Variants in AUTS2 observed in about 807,000 individuals in gnomAD.
The protein encoded by AUTS2 is activator of transcription and developmental regulator AUTS2, also known as autism susceptibility gene 2 protein.
Under a neutral mutation model 112.4 loss-of-function variants are expected in AUTS2, and 17 were observed. That is an observed-to-expected ratio of 0.15 (90% CI 0.10 to 0.23). The LOEUF is 0.23. AUTS2 is among the 10% of genes least tolerant of loss of function. The pLI is 1.00. For synonymous variants in AUTS2, 751 were observed against 702.7 expected, an observed-to-expected ratio of 1.07 and a Z score of -1.09; for missense variants, 1,510 against 1,701.6, an observed-to-expected ratio of 0.89 and a Z score of 1.98.
At chr7:70,483,217 T>C (rs1224504096) in intron 5 of AUTS2, among the ~76,000 whole-genome samples, 1 of 136,114 alleles carries the variant, frequency 7.3e-6, no homozygotes, top group Non-Finnish European at 1.6e-5. Flanking sequence ...CTCCAGTTTA[T>C]CTCCAAGGGT....
chr7:70,747,498 G>A (rs965553720), intron 6 of AUTS2, among the ~76,000 whole-genome samples: 36 of 152,104 alleles, frequency 2.4e-4, no homozygotes, highest in African/African-American at 8.2e-4. Context: ...TCACTCTGTC[G>A]CCCAGGCTAG....
chr7:69,905,306 T>G (rs866083171), intron 2 of AUTS2, among the ~76,000 whole-genome samples: 4 of 152,168 alleles, frequency 2.6e-5, no homozygotes. Flanking sequence ...AGCATATGTA[T>G]TAGGATTCTC....
intron 4 of AUTS2, among the ~76,000 whole-genome samples, chr7:70,320,594 G>A (rs905085959): frequency 1.7e-4 from 26 of 152,156 alleles, no homozygotes; most frequent in African/African-American, 6.3e-4. Context: ...AAGACAATTA[G>A]GACCCAGTCC....
chr7:69,898,180 A>T (rs1168900073), intron 1 of AUTS2, among the ~76,000 whole-genome samples: 1 of 152,202 alleles, frequency 6.6e-6, no homozygotes, highest in Non-Finnish European at 1.5e-5. Context: ...TCATAAATAT[A>T]TATGCCGACT....
chr7:70,590,200 C>A (rs1186146996), intron 5 of AUTS2, among the ~76,000 whole-genome samples: 1 of 151,970 alleles, frequency 6.6e-6, no homozygotes, highest in East Asian at 1.9e-4. Context: ...GGCACTGGCC[C>A]CCAGAGAAGT....
chr7:70,725,701 A>G (rs1786987712), intron 6 of AUTS2, among the ~76,000 whole-genome samples: 1 of 152,142 alleles, frequency 6.6e-6, no homozygotes, highest in South Asian at 2.1e-4. Flanking sequence ...AGGTCCTTCT[A>G]TTTGTTTTGG....
At chr7:69,759,389 G>T (rs577364697) in intron 1 of AUTS2, among the ~76,000 whole-genome samples, 3 of 152,146 alleles carry the variant, frequency 2.0e-5, no homozygotes, top group African/African-American at 4.8e-5. Flanking sequence ...TACCTTTAAT[G>T]ATTTTGTGTG....
At chr7:69,982,833 G>GT (rs1798353049) in intron 2 of AUTS2, among the ~76,000 whole-genome samples, 1 of 152,190 alleles carries the variant, frequency 6.6e-6, no homozygotes, top group Admixed American at 6.5e-5. Context: ...TTGGTATATT[G>GT]TTTAAGAGCT....
chr7:70,709,725 A>G (rs915759811), intron 6 of AUTS2, among the ~76,000 whole-genome samples: 1 of 152,188 alleles, frequency 6.6e-6, no homozygotes, highest in African/African-American at 2.4e-5. Context: ...AAATATTTAC[A>G]TATATCTTTT....
intron 4 of AUTS2, among the ~76,000 whole-genome samples, chr7:70,361,435 C>T (rs1792261399): frequency 6.6e-6 from 1 of 152,116 alleles, no homozygotes; most frequent in Non-Finnish European, 1.5e-5. Context: ...TTTGTCATTA[C>T]GCCTCAGCCT....
At chr7:70,226,669 T>C (rs1296351227) in intron 4 of AUTS2, among the ~76,000 whole-genome samples, 1 of 152,178 alleles carries the variant, frequency 6.6e-6, no homozygotes, top group Admixed American at 6.5e-5. Context: ...TTTCTCTTCT[T>C]CATTTCTTCA....
intron 6 of AUTS2, among the ~76,000 whole-genome samples, chr7:70,743,609 A>G (rs1788255695): frequency 6.6e-6 from 1 of 152,050 alleles, no homozygotes; most frequent in African/African-American, 2.4e-5. Context: ...AGATTTAAGC[A>G]TTTGTCGTGC....
chr7:69,654,994 T>A (rs571405547), intron 1 of AUTS2, among the ~76,000 whole-genome samples: 1 of 152,278 alleles, frequency 6.6e-6, no homozygotes, highest in South Asian at 2.1e-4. Flanking sequence ...TAATTTGTGC[T>A]CCTGTCTTAG....
intron 2 of AUTS2, among the ~76,000 whole-genome samples, chr7:69,987,639 T>A (rs529579915): frequency 3.3e-4 from 50 of 152,228 alleles, no homozygotes; most frequent in South Asian, 3.1e-3. Flanking sequence ...TAAATTTTTT[T>A]AAAATATTTT....
At chr7:70,384,488 A>G (rs1044004954) in intron 4 of AUTS2, among the ~76,000 whole-genome samples, 1 of 152,162 alleles carries the variant, frequency 6.6e-6, no homozygotes, top group African/African-American at 2.4e-5. Context: ...TGCCATCCTA[A>G]CAGAAGCTGG....
chr7:69,883,898 TG>T (rs1794163196), intron 1 of AUTS2, among the ~76,000 whole-genome samples: 1 of 152,182 alleles, frequency 6.6e-6, no homozygotes, highest in Non-Finnish European at 1.5e-5. Context: ...GTTTGTTTAG[TG>T]AGTGGTTTTC....
intron 5 of AUTS2, among the ~76,000 whole-genome samples, chr7:70,485,648 CA>C (rs34602716): frequency 2.2e-4 from 33 of 151,230 alleles, no homozygotes; most frequent in Non-Finnish European, 7.4e-5. Context: ...CTGAACCCTT[CA>C]AAAAAAAAGT....
intron 5 of AUTS2, among the ~76,000 whole-genome samples, chr7:70,591,059 C>G (rs1053342441): frequency 1.3e-5 from 2 of 152,184 alleles, no homozygotes; most frequent in Admixed American, 1.3e-4. Flanking sequence ...GTGCTTGGAA[C>G]TAAGACAGAA....
intron 5 of AUTS2, among the ~76,000 whole-genome samples, chr7:70,588,175 A>G (rs780367648): frequency 3.9e-5 from 6 of 152,226 alleles, no homozygotes; most frequent in Non-Finnish European, 8.8e-5. Flanking sequence ...AATCTGGAAG[A>G]TGGAAAATCT....
Sources: allele counts gnomAD v4.1 joint callset (sites outside exome capture counted in the v4.1 genomes callset), GRCh38; gene constraint gnomAD v4.1.1; transcripts MANE v1.5; gene names NCBI Gene and HGNC (gene_info 2026-07-23, HGNC 2026-07-21).